Variants in ABCB11 observed in about 807,000 individuals in gnomAD.
The protein encoded by ABCB11 is bile salt export pump.
ABCB11 carries 95 observed loss-of-function variants against 148.0 expected under a neutral mutation model. The observed-to-expected ratio is 0.64, with a 90% CI of 0.54 to 0.76. The LOEUF (loss-of-function observed/expected upper bound fraction) is 0.76. ABCB11 is among the 30% of genes least tolerant of loss of function. The pLI, the probability that ABCB11 is intolerant of heterozygous loss-of-function variation, is 0.00. For synonymous variants in ABCB11, 591 were observed against 555.4 expected (o/e 1.06, Z -0.90); for missense variants, 1,523 against 1,617.8 (o/e 0.94, Z 1.01).
intron 19 of ABCB11, among the ~76,000 whole-genome samples, chr2:168,948,335 T>C (rs1473980060): frequency 1.3e-5 from 2 of 151,770 alleles, no homozygotes; most frequent in Admixed American, 1.3e-4. Context: ...ACTAACATCA[T>C]TGCCCAGTGA....
At chr2:169,009,766 A>G (rs999316932) in intron 5 of ABCB11, among the ~76,000 whole-genome samples, 1 of 151,934 alleles carries the variant, frequency 6.6e-6, no homozygotes, top group African/African-American at 2.4e-5. Flanking sequence ...TCTAAAATTG[A>G]CTGTGGCAGT....
chr2:168,991,247 G>C (rs1488075526), intron 8 of ABCB11, among the ~76,000 whole-genome samples: 3 of 152,096 alleles, frequency 2.0e-5, no homozygotes. Context: ...CCATGTCATA[G>C]TTCATTGCTA....
rs1694496407 is a variant in ABCB11 at position 168,990,912 on chromosome 2, A to C, written c.797T>G (p.Phe266Cys). Residue 266 changes from phenylalanine (F) to cysteine (C), a missense_variant, in exon 9 of 28, where the codon TTT (phenylalanine) becomes TGT (cysteine). Physicochemically the swap from Phe to Cys is radical, Grantham distance 205. Coordinates refer to ENST00000650372, the MANE Select transcript of ABCB11 (RefSeq NM_003742.4). The stretch of plus-strand genomic sequence containing the variant: ...ATAGGCCTTCAGCTCATAGTCCGTA[A>C]ACTTGGACACACTCTAAAAATCAAA... ...AATIGLSVSKFTDYELKAYAK... is the reference protein window; with the variant it reads ...AATIGLSVSKCTDYELKAYAK... 2 of 1,612,772 alleles carry C rather than the reference A, an allele frequency of 1.2e-6. No individual in the cohort carries two copies. The highest frequency in any genetic ancestry group is 1.1e-5 in the South Asian group (1 of 90,938).
At chr2:168,957,842 T>G in intron 19 of ABCB11, 122 bp downstream of exon 19, 1 of 1,034,724 alleles carries the variant, frequency 9.7e-7, no homozygotes, top group Non-Finnish European at 1.3e-6. Context: ...TTTTCATTCT[T>G]TAGAGATGAG....
At chr2:168,919,630 T>TAAA (rs1464965849), downstream of ABCB11, among the ~76,000 whole-genome samples, 3,495 of 151,006 alleles carry the variant, frequency 0.023, 137 homozygotes, top group African/African-American at 0.076. Context: ...CCTTATTTTT[T>TAAA]AAAAAAAAAG....
downstream of ABCB11, among the ~76,000 whole-genome samples, chr2:168,918,409 C>T (rs1264712542): frequency 6.6e-6 from 1 of 152,166 alleles, no homozygotes; most frequent in Non-Finnish European, 1.5e-5. Context: ...AGAAATTCTT[C>T]CAGATATCTT....
At chr2:168,941,845 A>C (rs1559189005) in intron 21 of ABCB11, among the ~76,000 whole-genome samples, 2 of 152,026 alleles carry the variant, frequency 1.3e-5, no homozygotes, top group Admixed American at 6.6e-5. Context: ...AGATATGTAC[A>C]TTGTTTATTT....
At position 169,009,276 on chromosome 2, in the gene ABCB11, C is replaced by T. The variant is rs555512493; in HGVS notation, c.389+3996G>A. ...TCATGCTGCTATAAGGATACATGCACACGTATGTTTATTGTGGCACTATTC... is the reference window on the plus strand; with the variant it reads ...TCATGCTGCTATAAGGATACATGCATACGTATGTTTATTGTGGCACTATTC... On this transcript the variant is annotated intron_variant, in intron 5 of 27. Coordinates refer to ENST00000650372, the MANE Select transcript of ABCB11 (RefSeq NM_003742.4). Among the ~76,000 whole-genome samples the T allele has an allele frequency of 2.0e-5, 3 of 152,134 alleles. No homozygotes were observed. In the South Asian group the frequency reaches 6.2e-4, roughly 32 times the overall value.
chr2:168,935,364 A>G lies in ABCB11; in HGVS notation c.2876T>C (p.Phe959Ser). 6.2e-7 allele frequency: 1 copy of G among 1,614,012 alleles called. No individual in the cohort carries two copies. The highest frequency in any genetic ancestry group is 8.5e-7 in the Non-Finnish European group (1 of 1,179,872). Reference protein sequence around the residue: ...TVAGIGKERRFIEALETELEK... With the variant: ...TVAGIGKERRSIEALETELEK... The stretch of plus-strand genomic sequence containing the variant: ...CAGCTCAGTCTCAAGTGCTTCAATG[A>G]ACCGCCTCTCCTTTCCAATTCCAGC... The change falls in exon 23 of 28, where the codon TTC (phenylalanine) becomes TCC (serine). Residue 959 changes from phenylalanine to serine, a missense_variant. Transcript: ENST00000650372.
intron 19 of ABCB11, among the ~76,000 whole-genome samples, chr2:168,951,198 T>C (rs1350148909): frequency 6.6e-6 from 1 of 151,764 alleles, no homozygotes; most frequent in African/African-American, 2.4e-5. Context: ...CCTTTAGCTT[T>C]GTTCCTTTTG....
At chr2:169,016,749 ATGC>A in intron 3 of ABCB11, 26 bp downstream of exon 3, 1 of 1,581,310 alleles carries the variant, frequency 6.3e-7, no homozygotes, top group South Asian at 1.1e-5. Flanking sequence ...TCTAGAAAAG[ATGC>A]TGCATTGTTG....
At chr2:168,992,515 T>C (rs923388879) in intron 8 of ABCB11, among the ~76,000 whole-genome samples, 2 of 152,136 alleles carry the variant, frequency 1.3e-5, no homozygotes, top group Non-Finnish European at 2.9e-5. Context: ...AAGACTGCCG[T>C]AAAACTTGAA....
rs1342941730 is a variant in ABCB11, at chr2:168,923,462, T to G, written c.*160A>C. 1.0e-5 allele frequency: 7 copies of G among 677,338 alleles called. No individual in the cohort carries two copies. The allele number at this position is 677,338 out of a possible 1,614,324, so 42.0% of individuals were successfully genotyped here. Reference sequence around the variant, plus strand: ...TTATGGAAGGCCATTAGAAATTAGCTTGGATTCCGATGTAGGAAAATGACT... The same window carrying G: ...TTATGGAAGGCCATTAGAAATTAGCGTGGATTCCGATGTAGGAAAATGACT... On this transcript the variant is annotated 3_prime_UTR_variant, in exon 28 of 28. Coordinates refer to ENST00000650372, the MANE Select transcript of ABCB11 (RefSeq NM_003742.4).
intron 5 of ABCB11, among the ~76,000 whole-genome samples, chr2:169,009,707 A>G (rs1695125027): frequency 6.6e-6 from 1 of 152,008 alleles, no homozygotes; most frequent in Non-Finnish European, 1.5e-5. Context: ...GTGCACATGT[A>G]CCCTAAAACT....
intron 27 of ABCB11, 136 bp from the exon 28 acceptor site, chr2:168,923,958 G>T: frequency 2.6e-6 from 2 of 756,026 alleles, no homozygotes; most frequent in Non-Finnish European, 4.3e-6. Context: ...CATAAGAGAG[G>T]ATTAAGCAAG....
chr2:169,001,746 T>A (rs1272560981), intron 5 of ABCB11, among the ~76,000 whole-genome samples: 1 of 152,144 alleles, frequency 6.6e-6, no homozygotes, highest in Admixed American at 6.5e-5. Context: ...AAAAGCAGGA[T>A]TTTGTTGAGT....
chr2:169,014,119 CT>C (rs1190428226), intron 4 of ABCB11, among the ~76,000 whole-genome samples, 183 bp downstream of exon 4: 1 of 152,094 alleles, frequency 6.6e-6, no homozygotes, highest in Non-Finnish European at 1.5e-5. Context: ...GATTTGTATG[CT>C]TTATGAGCAA....
At chr2:169,000,521 A>G (rs1425227977) in intron 5 of ABCB11, among the ~76,000 whole-genome samples, 2 of 152,064 alleles carry the variant, frequency 1.3e-5, no homozygotes, top group Non-Finnish European at 2.9e-5. Context: ...CAGCCATTTG[A>G]TAAAAAGCTT....
rs375782077 is a variant in ABCB11, at chr2:168,923,682, T to A, written c.3906A>T (p.Glu1302Asp). 1 of 1,613,660 alleles carries A rather than the reference T, an allele frequency of 6.2e-7. No individual in the cohort carries two copies. Among genetic ancestry groups the A allele is most frequent in the Non-Finnish European group, 8.5e-7 (1 of 1,179,816 alleles). ...GVVIEKGTHE[E>D]LMAQKGAYYK... ...AGTAGGCTCCTTTTTGGGCCATCAG[T>A]TCTTCATGGGTCCCCTTTTCAATCA... is the stretch of plus-strand genomic sequence containing the variant. Residue 1302 changes from glutamate (E) to aspartate (D), a missense_variant, in exon 28 of 28, where the codon GAA becomes GAT. Transcript: ENST00000650372.
Sources: allele counts gnomAD v4.1 joint callset (sites outside exome capture counted in the v4.1 genomes callset), GRCh38; gene constraint gnomAD v4.1.1; transcripts MANE v1.5; gene names NCBI Gene and HGNC (gene_info 2026-07-23, HGNC 2026-07-21).